YAF2: variants seen among roughly 807,000 people sequenced by gnomAD.
The protein encoded by YAF2 is YY1-associated factor 2.
In YAF2, 7 loss-of-function variants were observed where a neutral mutation model predicts 20.1. The observed-to-expected ratio is 0.35, with a 90% CI of 0.20 to 0.65. The LOEUF (loss-of-function observed/expected upper bound fraction) is 0.65, where lower values mean the gene tolerates loss of function less well. Ranked by LOEUF, YAF2 falls within the 30% of genes least tolerant of loss-of-function variation. The pLI is 0.69. For synonymous variants in YAF2, 74 were observed against 76.0 expected (o/e 0.97, Z 0.14); for missense variants, 151 against 219.2 (o/e 0.69, Z 1.96).
intron 2 of YAF2, among the ~76,000 whole-genome samples, chr12:42,161,980 T>G (rs1486874031): frequency 6.6e-6 from 1 of 152,196 alleles, no homozygotes; most frequent in African/African-American, 2.4e-5. Flanking sequence ...CAATTAAAAT[T>G]TATAGTCTAA....
intron 2 of YAF2, among the ~76,000 whole-genome samples, chr12:42,212,131 T>C (rs1012418453): frequency 2.0e-5 from 3 of 151,978 alleles, no homozygotes; most frequent in South Asian, 2.1e-4. Context: ...ATGCTAATTA[T>C]AATTTAAATA....
At chr12:42,234,330 C>T in intron 2 of YAF2, 1 of 985,430 alleles carries the variant, frequency 1.0e-6, no homozygotes, top group Non-Finnish European at 1.2e-6. Flanking sequence ...GTCAGTTTGA[C>T]ATTTACTACT....
chr12:42,199,080 C>A, intron 2 of YAF2: 1 of 980,444 alleles, frequency 1.0e-6, no homozygotes, highest in Non-Finnish European at 1.4e-6. Context: ...TATTAATTTC[C>A]TCTTGGGTAC....
chr12:42,235,053 C>T (rs1173774455), intron 2 of YAF2: 2 of 985,350 alleles, frequency 2.0e-6, no homozygotes, highest in East Asian at 1.1e-4. Flanking sequence ...CTCTGCAGGT[C>T]TAAAAAGAAA....
In YAF2 at chr12:42,212,705, C is replaced by T. The variant is rs200136942; in HGVS notation, c.152+24894G>A. Among the ~76,000 whole-genome samples the T allele has an allele frequency of 3.9e-5, 6 of 152,228 alleles. No homozygotes were observed. The East Asian group carries it at 7.7e-4, about 19-fold the overall frequency. ...ATTTGTATTTGTTAGGTTGACAACA[C>T]ACCTGTCAAGATTGTCAAGATCTGT... On this transcript the variant is annotated intron_variant, in intron 2 of 3. Transcript: ENST00000534854.
intron 2 of YAF2, chr12:42,232,934 C>T: frequency 1.7e-5 from 17 of 985,366 alleles, no homozygotes; most frequent in Non-Finnish European, 1.9e-5. Context: ...AAGGAAAGAT[C>T]TACTAACACT....
At chr12:42,184,887 T>A (rs1273672290) in intron 2 of YAF2, among the ~76,000 whole-genome samples, 2 of 152,120 alleles carry the variant, frequency 1.3e-5, no homozygotes, top group Admixed American at 1.3e-4. Context: ...GCAAGAGAAC[T>A]AGAATTAGGC....
At chr12:42,238,064 GC>G in intron 1 of YAF2, 90 bp downstream of exon 1, 1 of 1,161,260 alleles carries the variant, frequency 8.6e-7, no homozygotes. Context: ...TCGCCCCGGT[GC>G]CCGGGCGGCT....
intron 2 of YAF2, among the ~76,000 whole-genome samples, chr12:42,168,888 A>C (rs929138067): frequency 1.3e-5 from 2 of 152,134 alleles, no homozygotes; most frequent in East Asian, 3.8e-4. Flanking sequence ...TTAAAAACTC[A>C]CAATTACCTT....
intron 2 of YAF2, among the ~76,000 whole-genome samples, chr12:42,175,550 G>A (rs1385773889): frequency 6.7e-6 from 1 of 149,038 alleles, no homozygotes; most frequent in Non-Finnish European, 1.5e-5. Flanking sequence ...AAAAAAAGCT[G>A]TCTAAAATTT....
chr12:42,195,054 T>G (rs574040756), intron 2 of YAF2, among the ~76,000 whole-genome samples: 1 of 152,348 alleles, frequency 6.6e-6, no homozygotes, highest in East Asian at 1.9e-4. Context: ...TAGATACGGT[T>G]TCAGCCCTTA....
chr12:42,200,011 C>A (rs894995646), intron 2 of YAF2, among the ~76,000 whole-genome samples: 25 of 152,094 alleles, frequency 1.6e-4, no homozygotes, highest in African/African-American at 5.8e-4. Flanking sequence ...GGTTAAGATG[C>A]TTTAATTTGA....
chr12:42,207,220 T>C (rs905221855), intron 2 of YAF2, among the ~76,000 whole-genome samples: 2 of 152,246 alleles, frequency 1.3e-5, no homozygotes, highest in Non-Finnish European at 2.9e-5. Flanking sequence ...TCTGACTAAA[T>C]GCTCTTTATC....
At chr12:42,166,877 A>G (rs1019943039) in intron 2 of YAF2, among the ~76,000 whole-genome samples, 56 of 151,656 alleles carry the variant, frequency 3.7e-4, no homozygotes, top group Non-Finnish European at 1.2e-4. Context: ...CTGTCTCTAC[A>G]CTTTTGTACT....
At chr12:42,181,890 T>C (rs1176618731) in intron 2 of YAF2, among the ~76,000 whole-genome samples, 6 of 149,360 alleles carry the variant, frequency 4.0e-5, no homozygotes, top group Non-Finnish European at 2.9e-5. Flanking sequence ...TTTTTAACAG[T>C]TTTTTACATT....
chr12:42,187,374 G>A (rs1209596387), intron 2 of YAF2, among the ~76,000 whole-genome samples: 1 of 152,084 alleles, frequency 6.6e-6, no homozygotes, highest in African/African-American at 2.4e-5. Flanking sequence ...TGCCCAGGCT[G>A]GTTTCAAACT....
intron 2 of YAF2, among the ~76,000 whole-genome samples, chr12:42,205,055 T>TAAAA (rs200657939): frequency 2.8e-5 from 4 of 144,574 alleles, no homozygotes; most frequent in Non-Finnish European, 6.1e-5. Context: ...AAGTTGTTAT[T>TAAAA]AAAAAAAAAA....
intron 2 of YAF2, among the ~76,000 whole-genome samples, chr12:42,186,397 A>G (rs964609712): frequency 6.6e-6 from 1 of 151,886 alleles, no homozygotes; most frequent in Non-Finnish European, 1.5e-5. Context: ...AAAATCAAAT[A>G]TGGTATATAA....
At chr12:42,189,048 T>A (rs1257808790) in intron 2 of YAF2, among the ~76,000 whole-genome samples, 4 of 152,156 alleles carry the variant, frequency 2.6e-5, no homozygotes. Flanking sequence ...AAAGCCTTCC[T>A]GTAGAGATGA....
Sources: gnomAD v4.1 joint callset for allele counts (sites outside exome capture counted in the v4.1 genomes callset) on GRCh38, gnomAD v4.1.1 for gene constraint, MANE v1.5 for transcripts, NCBI Gene and HGNC (gene_info 2026-07-23, HGNC 2026-07-21) for gene names.